The following ABLIM2 variants were observed in gnomAD, a reference collection of about 807,000 sequenced individuals.
The protein encoded by ABLIM2 is actin-binding LIM protein 2.
ABLIM2 carries 53 observed loss-of-function variants against 97.7 expected under a neutral mutation model. That is an observed-to-expected ratio of 0.54 (90% CI 0.44 to 0.68). The LOEUF (loss-of-function observed/expected upper bound fraction) is 0.68, where lower values mean the gene tolerates loss of function less well. ABLIM2 is among the 30% of genes least tolerant of loss of function. ABLIM2 has a pLI of 0.00. For missense variants in ABLIM2, 835 were observed against 867.2 expected (o/e 0.96, Z 0.47); for synonymous variants, 361 against 345.8 (o/e 1.04, Z -0.49).
At chr4:8,077,010 G>A (rs557133855) in intron 6 of ABLIM2, among the ~76,000 whole-genome samples, 1 of 145,246 alleles carries the variant, frequency 6.9e-6, no homozygotes, top group Admixed American at 7.0e-5. Context: ...CAGGATGGGG[G>A]TTGGGGGTCT....
chr4:8,047,125 G>C (rs1393490340), intron 8 of ABLIM2, among the ~76,000 whole-genome samples: 1 of 152,306 alleles, frequency 6.6e-6, no homozygotes, highest in Middle Eastern at 3.4e-3. Context: ...CCGGATGTGG[G>C]GCCACGTGCA....
intron 17 of ABLIM2, among the ~76,000 whole-genome samples, chr4:7,988,300 G>T (rs1204967748): frequency 1.3e-5 from 2 of 152,236 alleles, no homozygotes; most frequent in African/African-American, 2.4e-5. Context: ...TGGGATTACA[G>T]GCGTGAACCA....
intron 2 of ABLIM2, among the ~76,000 whole-genome samples, chr4:8,106,211 C>T (rs1280861574): frequency 6.6e-6 from 1 of 152,226 alleles, no homozygotes; most frequent in Non-Finnish European, 1.5e-5. Context: ...CCTCTGGCCG[C>T]AGGACCAGAA....
rs1007461604 is a variant in ABLIM2, at chr4:8,061,299, A to G, written c.676-245T>C. ...TGGCTGCACTTGCCCAGCCTGCAGG[A>G]GCCCAGCATGCAGCTCCCTGCCGGG... On this transcript the variant is annotated intron_variant, in intron 6 of 20. Coordinates refer to ENST00000447017, the MANE Select transcript of ABLIM2 (RefSeq NM_001130083.2). The surrounding 1 kb of genome is among the most constrained non-coding windows in gnomAD (Gnocchi z 4.5). Among the ~76,000 whole-genome samples, 1 of 152,188 alleles carries G rather than the reference A, an allele frequency of 6.6e-6. No homozygotes were observed. The highest frequency in any genetic ancestry group is 2.1e-4 in the South Asian group (1 of 4,814).
Position 8,069,844 on chromosome 4 carries a change from G to A in ABLIM2, c.675+7784C>T, listed in dbSNP as rs1052387862. ...CTGTGTGTACGTGTCTGTGGGTGCCGTGTGTGTTTTCTGTGTGTCTGCGTT... is the reference window on the plus strand; with the variant it reads ...CTGTGTGTACGTGTCTGTGGGTGCCATGTGTGTTTTCTGTGTGTCTGCGTT... On this transcript the variant is annotated intron_variant, in intron 6 of 20. Transcript: ENST00000447017. This position sits in a 1 kb window ranked among gnomAD's most constrained non-coding sequence, Gnocchi z 4.2. 5.9e-5 allele frequency among the ~76,000 whole-genome samples: 9 copies of A among 151,764 alleles called. No individual in the cohort carries two copies. The highest frequency in any genetic ancestry group is 3.4e-3 in the Middle Eastern group (1 of 294).
rs983043322 is a variant in ABLIM2, at chr4:8,072,060, C to T, written c.675+5568G>A. ...AGGATGCTCAGAGCTGTGCAGAGCC[C>T]GCCGACTCAGCCACGCCGCCACAGA... On this transcript the variant is annotated intron_variant, in intron 6 of 20. Coordinates refer to ENST00000447017, the MANE Select transcript of ABLIM2 (RefSeq NM_001130083.2). This position sits in a 1 kb window ranked among gnomAD's most constrained non-coding sequence, Gnocchi z 5.8. 1.8e-5 allele frequency: 18 copies of T among 985,284 alleles called. No individual in the cohort carries two copies. The highest frequency in any genetic ancestry group is 1.9e-5 in the Non-Finnish European group (16 of 829,968). 61.0% of individuals were successfully genotyped at this position (985,284 alleles called of 1,614,324 possible).
At chr4:8,036,824 AAC>A (rs1188714951) in intron 9 of ABLIM2, among the ~76,000 whole-genome samples, 3 of 152,158 alleles carry the variant, frequency 2.0e-5, no homozygotes, top group Non-Finnish European at 2.9e-5. Flanking sequence ...CACACGTACA[AAC>A]ACAGACACGC....
chr4:8,158,075 G>A (rs2152968877), intron 1 of ABLIM2, among the ~76,000 whole-genome samples: 1 of 152,344 alleles, frequency 6.6e-6, no homozygotes, highest in African/African-American at 2.4e-5. Context: ...GGGTGGGTGC[G>A]GCGGGAAAGG....
At chr4:8,074,742 T>A (rs61075459) in intron 6 of ABLIM2, among the ~76,000 whole-genome samples, 4,090 of 151,724 alleles carry the variant, frequency 0.027, 155 homozygotes, top group African/African-American at 0.087. Flanking sequence ...GAAGGCGGCA[T>A]TGTGTCCAGC....
intron 1 of ABLIM2, among the ~76,000 whole-genome samples, chr4:8,142,705 G>C (rs1851179980): frequency 6.6e-6 from 1 of 152,220 alleles, no homozygotes; most frequent in African/African-American, 2.4e-5. Context: ...TCCTGAATCA[G>C]CGGCCTTGCC....
At position 8,072,430 on chromosome 4, in the gene ABLIM2, C is replaced by T. The variant is rs1455014361; in HGVS notation, c.675+5198G>A. On this transcript the variant is annotated intron_variant, in intron 6 of 20. Transcript: ENST00000447017. This position sits in a 1 kb window ranked among gnomAD's most constrained non-coding sequence, Gnocchi z 5.8. ...CCCCCGACCCCAGGCCAGGGCCTCT[C>T]TGGTGTGGGGGCTGCTGCCCATGGG... Among the ~76,000 whole-genome samples, 1 of 152,222 alleles carries T rather than the reference C, an allele frequency of 6.6e-6. No individual in the cohort carries two copies. Among genetic ancestry groups the T allele is most frequent in the Non-Finnish European group, 1.5e-5 (1 of 68,032 alleles).
In ABLIM2 at chr4:8,087,534, G is replaced by A. The variant is rs1185455118; in HGVS notation, c.454+635C>T. On this transcript the variant is annotated intron_variant, in intron 4 of 20. Transcript: ENST00000447017. The surrounding 1 kb of genome is among the most constrained non-coding windows in gnomAD (Gnocchi z 4.6). ...GCCCGGAGCTCAGTGTTCCTCTACA[G>A]GTTCCCCCAAAGGGGTCCCGGGTGG... Among the ~76,000 whole-genome samples the A allele has an allele frequency of 1.3e-5, 2 of 152,178 alleles. No homozygotes were observed. The highest frequency in any genetic ancestry group is 1.3e-4 in the Admixed American group (2 of 15,286).
At chr4:8,000,400 G>A (rs1245486556) in intron 16 of ABLIM2, among the ~76,000 whole-genome samples, 1 of 152,150 alleles carries the variant, frequency 6.6e-6, no homozygotes, top group Non-Finnish European at 1.5e-5. Flanking sequence ...TGTTCTTACA[G>A]ATGAGGGAAC....
chr4:8,099,396 A>G (rs1833348196), intron 2 of ABLIM2, among the ~76,000 whole-genome samples: 1 of 152,144 alleles, frequency 6.6e-6, no homozygotes, highest in Non-Finnish European at 1.5e-5. Flanking sequence ...AAGGAGAAAC[A>G]TGTGGCAGTG....
At chr4:8,037,884 G>A (rs575996445) in intron 9 of ABLIM2, among the ~76,000 whole-genome samples, 1 of 152,342 alleles carries the variant, frequency 6.6e-6, no homozygotes, top group Non-Finnish European at 1.5e-5. Context: ...TTTGCTCAGG[G>A]AGGTCCAGCT....
At chr4:7,981,961 C>T (rs1288565094) in intron 20 of ABLIM2, among the ~76,000 whole-genome samples, 7 of 152,190 alleles carry the variant, frequency 4.6e-5, no homozygotes, top group South Asian at 2.1e-4. Flanking sequence ...GGGGCTTCCC[C>T]GGGCCTGGAA....
At chr4:8,099,363 G>GT (rs1561401451) in intron 2 of ABLIM2, among the ~76,000 whole-genome samples, 1 of 152,162 alleles carries the variant, frequency 6.6e-6, no homozygotes, top group East Asian at 1.9e-4. Flanking sequence ...TCTTAAAGAC[G>GT]TGACGGCGTG....
At chr4:8,028,493 G>C (rs116496203) in intron 11 of ABLIM2, among the ~76,000 whole-genome samples, 1 of 150,764 alleles carries the variant, frequency 6.6e-6, no homozygotes, top group Non-Finnish European at 1.5e-5. Context: ...TCCCTTATTT[G>C]CTCATTCATT....
chr4:7,982,760 GTGGCGCC>G (rs1367044014), intron 20 of ABLIM2, among the ~76,000 whole-genome samples: 1 of 152,094 alleles, frequency 6.6e-6, no homozygotes, highest in Admixed American at 6.5e-5. Context: ...CTGGAGTGCA[GTGGCGCC>G]ATCTCGGCTC....
Sources: allele counts gnomAD v4.1 joint callset (sites outside exome capture counted in the v4.1 genomes callset), GRCh38; gene constraint gnomAD v4.1.1; non-coding constraint Gnocchi (gnomAD v3.1); transcripts MANE v1.5; gene names NCBI Gene and HGNC (gene_info 2026-07-23, HGNC 2026-07-21).